The following MUC12 variants were observed in gnomAD, a reference collection of about 807,000 sequenced individuals.
The protein encoded by MUC12 is mucin-12.
MUC12 carries 172 observed loss-of-function variants against 230.8 expected under a neutral mutation model. The ratio of observed to expected loss-of-function variants is 0.75; its 90% CI spans 0.66 to 0.85. The LOEUF is 0.85. Among genes scored for constraint, MUC12 ranks in the 40% least tolerant of loss-of-function variants. The pLI, the probability that MUC12 is intolerant of heterozygous loss-of-function variation, is 0.00. For synonymous variants in MUC12, 1,259 were observed against 2,401.9 expected (o/e 0.52, Z 13.91); for missense variants, 3,506 against 5,920.6 (o/e 0.59, Z 13.38).
Position 101,013,136 on chromosome 7 carries a change from G to T in MUC12, c.15632G>T (p.Arg5211Leu), listed in dbSNP as rs200856041. The T allele has an allele frequency of 6.5e-7, 1 of 1,537,220 alleles. No homozygotes were observed. The highest frequency in any genetic ancestry group is 1.2e-5 in the South Asian group (1 of 84,066). Residue 5211 changes from arginine (R) to leucine (L), a missense_variant, in exon 8 of 12, where the codon CGC becomes CTC. Transcript: ENST00000536621. ...GTCQLQRSGP[R>L]CLCPNTNTHW... ...TGTCAGCTGCAACGCAGTGGCCCCC[G>T]CTGCCTGTGAGTGTCCCCATAAGCC... is the stretch of plus-strand genomic sequence containing the variant.
chr7:101,013,473 A>G (rs942657463), intron 8 of MUC12, among the ~76,000 whole-genome samples: 3 of 152,056 alleles, frequency 2.0e-5, no homozygotes, highest in Non-Finnish European at 2.9e-5. Flanking sequence ...CTCAATCTCT[A>G]TATCTGTCTA....
chr7:100,981,694 AG>A (rs1793108642), intron 1 of MUC12, among the ~76,000 whole-genome samples: 1 of 152,166 alleles, frequency 6.6e-6, no homozygotes, highest in African/African-American at 2.4e-5. Flanking sequence ...GTATGAATCC[AG>A]GAACAAAGGC....
In MUC12 at chr7:100,995,852, A is replaced by T. The variant is rs1229130813; in HGVS notation, c.5289A>T (p.Ser1763=). 1 of 1,458,312 alleles carries T rather than the reference A, an allele frequency of 6.9e-7. No individual in the cohort carries two copies. The highest frequency in any genetic ancestry group is 1.2e-5 in the South Asian group (1 of 81,552). The allele number at this position is 1,458,312 out of a possible 1,614,324, so 90.3% of individuals were successfully genotyped here. A position where few individuals can be genotyped will look rare whatever the true frequency, so the allele number is the denominator to read the frequency against. The change falls in exon 2 of 12, where the codon TCA becomes TCT. Residue 1763 remains serine, a synonymous_variant. Transcript: ENST00000536621. ...TTPSPARSTT[S]GLVEESTAYH... ...CCTCGCCTGCCCGCTCCACAACCTC[A>T]GGCCTCGTTGAAGAATCTACGGCGT...
intron 2 of MUC12, among the ~76,000 whole-genome samples, chr7:101,006,090 G>T (rs4729639): frequency 0.099 from 15,124 of 152,062 alleles, 1,191 homozygotes; most frequent in Admixed American, 0.28. Flanking sequence ...GAGCCACCGC[G>T]CCGGGCCTCC....
chr7:101,004,924 C>G lies in MUC12; in HGVS notation c.14361C>G (p.Thr4787=). The G allele has an allele frequency of 6.5e-7, 1 of 1,537,806 alleles. No individual in the cohort carries two copies. The highest frequency in any genetic ancestry group is 1.2e-5 in the South Asian group (1 of 84,062). ...CAGCGTTCCCTGCCAGCACCACCACCTCAGGCCTCAGTCAGGAATCAACAA... is the reference window on the plus strand; with the variant it reads ...CAGCGTTCCCTGCCAGCACCACCACGTCAGGCCTCAGTCAGGAATCAACAA... ...HTTAFPASTT[T]SGLSQESTTF... The change falls in exon 2 of 12, where the codon ACC becomes ACG. Residue 4787 remains threonine, a synonymous_variant. Coordinates refer to ENST00000536621, the MANE Select transcript of MUC12 (RefSeq NM_001164462.2).
In MUC12 at chr7:100,993,413, C is replaced by T. The variant is rs200862007; in HGVS notation, c.2850C>T (p.Phe950=). The T allele has an allele frequency of 2.9e-6, 3 of 1,028,804 alleles. 1 individual carries two copies. Among genetic ancestry groups the T allele is most frequent in the South Asian group, 1.6e-5 (1 of 60,756 alleles). The allele number at this position is 1,028,804 out of a possible 1,614,324, so 63.7% of individuals were successfully genotyped here. A position where few individuals can be genotyped will look rare whatever the true frequency, so the allele number is the denominator to read the frequency against. The change falls in exon 2 of 12, where the codon TTC becomes TTT. Residue 950 remains phenylalanine, a synonymous_variant. Transcript: ENST00000536621. ...SNPGSTHTTL[F]PDSTTSSGIV... ...CAGGCTCCACTCACACAACACTCTTCCCTGACAGCACCACAAGCTCAGGCA... is the reference window on the plus strand; with the variant it reads ...CAGGCTCCACTCACACAACACTCTTTCCTGACAGCACCACAAGCTCAGGCA...
Position 101,013,152 on chromosome 7 carries a change from C to T in MUC12, c.15638+10C>T, listed in dbSNP as rs892932387. On this transcript the variant is annotated intron_variant, in intron 8 of 11. Coordinates refer to ENST00000536621, the MANE Select transcript of MUC12 (RefSeq NM_001164462.2). ...GTGGCCCCCGCTGCCTGTGAGTGTCCCCATAAGCCCAGCACCCACTCTGTC... is the reference window on the plus strand; with the variant it reads ...GTGGCCCCCGCTGCCTGTGAGTGTCTCCATAAGCCCAGCACCCACTCTGTC... The T allele has an allele frequency of 4.6e-6, 7 of 1,537,104 alleles. No individual in the cohort carries two copies. Among genetic ancestry groups the T allele is most frequent in the South Asian group, 2.4e-5 (2 of 84,056 alleles).
chr7:100,970,448 C>T (rs372309649), intron 1 of MUC12, among the ~76,000 whole-genome samples: 24 of 145,074 alleles, frequency 1.7e-4, no homozygotes, highest in African/African-American at 5.4e-4. Flanking sequence ...GATTGTGGCA[C>T]TGCACTCCAG....
chr7:101,006,702 C>G (rs1040205829), intron 3 of MUC12, 130 bp downstream of exon 3: 37 of 661,798 alleles, frequency 5.6e-5, no homozygotes, highest in Admixed American at 6.9e-5. Flanking sequence ...CCCAGCAACA[C>G]TGTAGGGAGA....
intron 1 of MUC12, among the ~76,000 whole-genome samples, chr7:100,978,435 TG>T (rs1292675661): frequency 1.3e-5 from 2 of 151,844 alleles, no homozygotes; most frequent in African/African-American, 4.8e-5. Flanking sequence ...TATTCTAGAG[TG>T]ATCAGGGTGG....
At chr7:100,976,331 C>T (rs936023144) in intron 1 of MUC12, among the ~76,000 whole-genome samples, 2 of 150,060 alleles carry the variant, frequency 1.3e-5, no homozygotes, top group African/African-American at 2.5e-5. Flanking sequence ...TTCGGCCAGG[C>T]GTGGTGGCTC....
Position 100,991,882 on chromosome 7 carries a change from C to A in MUC12, c.1319C>A (p.Ser440Tyr). The A allele has an allele frequency of 6.5e-7, 1 of 1,537,536 alleles. No homozygotes were observed. The highest frequency in any genetic ancestry group is 8.7e-7 in the Non-Finnish European group (1 of 1,146,788). The change falls in exon 2 of 12, where the codon TCC (serine) becomes TAC (tyrosine). Residue 440 changes from serine to tyrosine, a missense_variant. Physicochemically the swap from Ser to Tyr is moderately radical, Grantham distance 144. Transcript: ENST00000536621. ...ISGRSEESKA[S>Y]HSSPDAMATT... The stretch of plus-strand genomic sequence containing the variant: ...GGCCGTAGTGAGGAATCAAAAGCAT[C>A]CCACAGCAGCCCAGATGCAATGGCA...
chr7:100,988,337 C>T (rs1039699820), intron 1 of MUC12, among the ~76,000 whole-genome samples: 5 of 151,760 alleles, frequency 3.3e-5, no homozygotes, highest in Admixed American at 6.6e-5. Context: ...GTGGCACCTC[C>T]CCTACCCTCT....
In MUC12 at chr7:100,995,972, C is replaced by G. The variant is rs1793477868; in HGVS notation, c.5409C>G (p.Ser1803Arg). ...RSEESRTSHS[S>R]TTHTISSPPS... ...AAGAATCAAGAACTTCCCACAGCAGCACAACACACACAATATCTTCACCTC... is the reference window on the plus strand; with the variant it reads ...AAGAATCAAGAACTTCCCACAGCAGGACAACACACACAATATCTTCACCTC... Residue 1803 changes from serine (S) to arginine (R), a missense_variant, in exon 2 of 12, where the codon AGC becomes AGG. By Grantham distance (110) the Ser-to-Arg change is moderately radical. Coordinates refer to ENST00000536621, the MANE Select transcript of MUC12 (RefSeq NM_001164462.2). 1.2e-6 allele frequency: 1 copy of G among 842,414 alleles called. No individual in the cohort carries two copies. The highest frequency in any genetic ancestry group is 1.7e-6 in the Non-Finnish European group (1 of 578,352). 52.2% of individuals were successfully genotyped at this position (842,414 alleles called of 1,614,324 possible).
chr7:100,995,628 T>G lies in MUC12; in HGVS notation c.5065T>G (p.Phe1689Val), dbSNP rs1351962468. The change falls in exon 2 of 12, where the codon TTC (phenylalanine) becomes GTC (valine). Residue 1689 changes from phenylalanine to valine, a missense_variant. Transcript: ENST00000536621. The stretch of plus-strand genomic sequence containing the variant: ...AACACGTCAGGGAGAATCTACCACC[T>G]TCCAGAGCTGGCCAAGCTCAAAGGA... ...STTRQGESTT[F>V]QSWPSSKDTM... 7 of 1,536,988 alleles carry G rather than the reference T, an allele frequency of 4.6e-6. No individual in the cohort carries two copies. The East Asian group carries it at 1.2e-4, about 27-fold the overall frequency.
At position 101,004,464 on chromosome 7, in the gene MUC12, A is replaced by G; in HGVS notation, c.13901A>G (p.His4634Arg). ...CGTAGTGAAGAATCAAGAACTTCCC[A>G]CAGCAGCACAACACACACAATATCT... ...SGRSEESRTS[H>R]SSTTHTISSP... The change falls in exon 2 of 12, where the codon CAC (histidine) becomes CGC (arginine). Residue 4634 changes from histidine to arginine, a missense_variant. Physicochemically the swap from His to Arg is conservative, Grantham distance 29. Coordinates refer to ENST00000536621, the MANE Select transcript of MUC12 (RefSeq NM_001164462.2). 6.5e-7 allele frequency: 1 copy of G among 1,529,292 alleles called. No individual in the cohort carries two copies. Among genetic ancestry groups the G allele is most frequent in the Non-Finnish European group, 8.7e-7 (1 of 1,144,918 alleles). The allele number at this position is 1,529,292 out of a possible 1,614,324, so 94.7% of individuals were successfully genotyped here.
intron 1 of MUC12, among the ~76,000 whole-genome samples, chr7:100,976,977 G>C (rs566968421): frequency 7.1e-6 from 1 of 141,060 alleles, no homozygotes; most frequent in African/African-American, 2.6e-5. Context: ...CTTGAACCCT[G>C]GAGGCAGAGG....
In MUC12 at chr7:100,991,063, C is replaced by T. The variant is rs986166932; in HGVS notation, c.500C>T (p.Thr167Ile). Residue 167 changes from threonine to isoleucine, a missense_variant, in exon 2 of 12, where the codon ACC becomes ATC. Thr to Ile is a moderately conservative substitution (Grantham distance 89, BLOSUM62 -1). Transcript: ENST00000536621. ...TCAGGCGTCAGTGAAAAATCAACCA[C>T]CTCCCACAGCCGACCAGGCCCAACG... ...TSSGVSEKST[T>I]SHSRPGPTHT... 1.1e-5 allele frequency: 17 copies of T among 1,537,696 alleles called. No individual in the cohort carries two copies. Among genetic ancestry groups the T allele is most frequent in the Non-Finnish European group, 1.1e-5 (13 of 1,146,926 alleles).
chr7:101,004,641 A>G lies in MUC12; in HGVS notation c.14078A>G (p.Asn4693Ser), dbSNP rs1215900803. 1.3e-6 allele frequency: 2 copies of G among 1,537,176 alleles called. No homozygotes were observed. The highest frequency in any genetic ancestry group is 8.7e-7 in the Non-Finnish European group (1 of 1,146,574). ...STASHSSPDTNGITPLPAHFT... is the reference protein window; with the variant it reads ...STASHSSPDTSGITPLPAHFT... The stretch of plus-strand genomic sequence containing the variant: ...GCATCCCACAGCAGCCCAGATACAA[A>G]TGGAATCACACCCTTACCTGCCCAT... The change falls in exon 2 of 12, where the codon AAT (asparagine) becomes AGT (serine). Residue 4693 changes from asparagine to serine, a missense_variant. Physicochemically the swap from Asn to Ser is conservative, Grantham distance 46. Transcript: ENST00000536621.
Sources: gnomAD v4.1 joint callset for allele counts (sites outside exome capture counted in the v4.1 genomes callset) on GRCh38, gnomAD v4.1.1 for gene constraint, MANE v1.5 for transcripts, NCBI Gene and HGNC (gene_info 2026-07-23, HGNC 2026-07-21) for gene names.